Variants in PROKR1 observed in about 807,000 individuals in gnomAD.
PROKR1 encodes G protein-coupled receptor 73.
Under a neutral mutation model 22.8 loss-of-function variants are expected in PROKR1, and 21 were observed. The observed-to-expected ratio is 0.92, with a 90% CI of 0.65 to 1.32. The LOEUF is 1.32. Ranked by LOEUF, PROKR1 falls within the 40% of genes most tolerant of loss-of-function variation. The pLI is 0.00. For missense variants in PROKR1, 548 were observed against 514.2 expected, an observed-to-expected ratio of 1.07 and a Z score of -0.64; for synonymous variants, 193 against 207.5, an observed-to-expected ratio of 0.93 and a Z score of 0.60.
In PROKR1 at chr2:68,655,855, A is replaced by G; in HGVS notation, c.*279A>G. The G allele has an allele frequency of 2.1e-6, 1 of 474,654 alleles. No individual in the cohort carries two copies. The allele number at this position is 474,654 out of a possible 1,614,324, so 29.4% of individuals were successfully genotyped here. A position where few individuals can be genotyped will look rare whatever the true frequency, so the allele number is the denominator to read the frequency against. ...ATTTAGTTGGCAAAATGAAATTGGA[A>G]TTAAACCAAGGAAAATGTGGTGGTG... On this transcript the variant is annotated 3_prime_UTR_variant, in exon 3 of 3. Coordinates refer to ENST00000303786, the MANE Select transcript of PROKR1 (RefSeq NM_138964.4).
At position 68,655,087 on chromosome 2, in the gene PROKR1, C is replaced by G. The variant is rs1329598043; in HGVS notation, c.693C>G (p.Ser231=). Residue 231 remains serine, a synonymous_variant, in exon 3 of 3, where the codon TCC becomes TCG. Coordinates refer to ENST00000303786, the MANE Select transcript of PROKR1 (RefSeq NM_138964.4). ...WPVDQQLYYK[S]YFLFIFGIEF... ...TGGACCAGCAGCTCTACTACAAGTCCTACTTCCTCTTTATCTTTGGCATAG... is the reference window on the plus strand; with the variant it reads ...TGGACCAGCAGCTCTACTACAAGTCGTACTTCCTCTTTATCTTTGGCATAG... 1.2e-6 allele frequency: 2 copies of G among 1,614,036 alleles called. No individual in the cohort carries two copies. The highest frequency in any genetic ancestry group is 1.7e-6 in the Non-Finnish European group (2 of 1,180,044).
chr2:68,645,089 G>T (rs1673144843), intron 1 of PROKR1, among the ~76,000 whole-genome samples: 1 of 152,192 alleles, frequency 6.6e-6, no homozygotes, highest in African/African-American at 2.4e-5. Context: ...GAAAAATTTT[G>T]CTCTAGCGTC....
intron 2 of PROKR1, among the ~76,000 whole-genome samples, chr2:68,651,097 C>T (rs938434532): frequency 1.3e-5 from 2 of 152,130 alleles, no homozygotes; most frequent in African/African-American, 4.8e-5. Flanking sequence ...TGTGGTGGCT[C>T]ACGCCTGTAA....
At chr2:68,651,805 T>C (rs977796201) in intron 2 of PROKR1, among the ~76,000 whole-genome samples, 3 of 152,228 alleles carry the variant, frequency 2.0e-5, no homozygotes, top group African/African-American at 7.2e-5. Context: ...GCCTGGACCA[T>C]CTCTTTGTCT....
chr2:68,645,542 T>G (rs1673156961), intron 1 of PROKR1, 120 bp from the exon 2 acceptor site: 1 of 526,316 alleles, frequency 1.9e-6, no homozygotes, highest in Non-Finnish European at 3.4e-6. Context: ...TTATTTCCAC[T>G]CCATCACCCT....
Position 68,656,935 on chromosome 2 carries a change from G to A in PROKR1, c.*1359G>A, listed in dbSNP as rs1387164637. 1 of 152,220 alleles carries A rather than the reference G, an allele frequency of 6.6e-6. No individual in the cohort carries two copies. The highest frequency in any genetic ancestry group is 1.5e-5 in the Non-Finnish European group (1 of 68,052). 9.4% of individuals were successfully genotyped at this position (152,220 alleles called of 1,614,324 possible). ...AGGAAAGAAGGGGACACACAGATAG[G>A]TAGTGTCAGACCAAACAATGAGCTT... On this transcript the variant is annotated 3_prime_UTR_variant, in exon 3 of 3. Coordinates refer to ENST00000303786, the MANE Select transcript of PROKR1 (RefSeq NM_138964.4).
At position 68,649,234 on chromosome 2, in the gene PROKR1, G is replaced by A. The variant is rs778597263; in HGVS notation, c.485+2928G>A. Among the ~76,000 whole-genome samples the A allele has an allele frequency of 3.3e-5, 5 of 152,140 alleles. No individual in the cohort carries two copies. The South Asian group carries it at 8.3e-4, about 25-fold the overall frequency. On this transcript the variant is annotated intron_variant, in intron 2 of 2. Coordinates refer to ENST00000303786, the MANE Select transcript of PROKR1 (RefSeq NM_138964.4). ...TATATTATTGGTTCCATTGTTCTCC[G>A]AGGCATCTAACCTAGAAGAAAGTCT...
At chr2:68,649,997 A>G (rs1673279394) in intron 2 of PROKR1, among the ~76,000 whole-genome samples, 4 of 145,152 alleles carry the variant, frequency 2.8e-5, no homozygotes, top group East Asian at 4.1e-4. Flanking sequence ...ATTCTCACTC[A>G]TAGGTGGGAA....
intron 2 of PROKR1, among the ~76,000 whole-genome samples, chr2:68,653,354 C>G (rs1314392784): frequency 6.6e-6 from 1 of 151,668 alleles, no homozygotes; most frequent in Non-Finnish European, 1.5e-5. Flanking sequence ...TGTGAACTCT[C>G]TAAAGGATGC....
At chr2:68,646,767 G>C (rs560121588) in intron 2 of PROKR1, among the ~76,000 whole-genome samples, 3 of 152,284 alleles carry the variant, frequency 2.0e-5, no homozygotes, top group African/African-American at 7.2e-5. Flanking sequence ...TTTATGACTG[G>C]CTGTGGTAAA....
intron 2 of PROKR1, chr2:68,649,344 G>A (rs1293748679): frequency 1.3e-5 from 2 of 152,136 alleles, no homozygotes; most frequent in Admixed American, 1.3e-4. Flanking sequence ...ATTCAGGGCT[G>A]GTATCCTAGT....
chr2:68,647,903 AC>A (rs879842836), intron 2 of PROKR1, among the ~76,000 whole-genome samples: 7 of 152,200 alleles, frequency 4.6e-5, no homozygotes, highest in Non-Finnish European at 8.8e-5. Context: ...CCCCGCATGA[AC>A]CCACTGAAGG....
At position 68,646,126 on chromosome 2, in the gene PROKR1, C is replaced by T. The variant is rs1396904100; in HGVS notation, c.305C>T (p.Ala102Val). The T allele has an allele frequency of 6.2e-7, 1 of 1,610,998 alleles. No individual in the cohort carries two copies. Among genetic ancestry groups the T allele is most frequent in the Admixed American group, 1.7e-5 (1 of 59,926 alleles). The change falls in exon 2 of 3, where the codon GCC becomes GTC. Residue 102 changes from alanine to valine, a missense_variant. Physicochemically the swap from Ala to Val is moderately conservative, Grantham distance 64. Transcript: ENST00000303786. ...KLRNLTNLLI[A>V]NLAISDFLVA... is the part of the protein sequence containing the mutation. ...CGCAACCTCACCAACCTGCTCATCG[C>T]CAACCTGGCCATCTCTGACTTCCTG...
rs371606555 is a variant in PROKR1, at chr2:68,645,829, C to A, written c.8C>A (p.Thr3Asn). The A allele has an allele frequency of 3.1e-6, 5 of 1,614,052 alleles. No individual in the cohort carries two copies. In the African/African-American group the frequency reaches 4.0e-5, roughly 13 times the overall value. ME[T>N]TMGFMDDNAT... is the part of the protein sequence containing the mutation. ...ACAGCACCACCTGGCCAGATGGAGA[C>A]CACCATGGGGTTCATGGATGACAAT... The change falls in exon 2 of 3, where the codon ACC becomes AAC. Residue 3 changes from threonine to asparagine, a missense_variant. Coordinates refer to ENST00000303786, the MANE Select transcript of PROKR1 (RefSeq NM_138964.4).
At chr2:68,648,367 T>C (rs1256104519) in intron 2 of PROKR1, among the ~76,000 whole-genome samples, 1 of 152,230 alleles carries the variant, frequency 6.6e-6, no homozygotes, top group Non-Finnish European at 1.5e-5. Context: ...TTGTCTGAAA[T>C]ACTGCAAGCA....
intron 2 of PROKR1, among the ~76,000 whole-genome samples, chr2:68,652,564 A>T (rs1308821958): frequency 6.6e-6 from 1 of 152,198 alleles, no homozygotes; most frequent in East Asian, 1.9e-4. Context: ...TGTAGAGTTT[A>T]TCCTATAAAA....
intron 2 of PROKR1, among the ~76,000 whole-genome samples, chr2:68,648,287 A>G (rs895323015): frequency 6.6e-6 from 1 of 152,196 alleles, no homozygotes; most frequent in African/African-American, 2.4e-5. Context: ...AGTGATATCT[A>G]TGTCAATCAG....
intron 1 of PROKR1, among the ~76,000 whole-genome samples, chr2:68,644,246 G>T (rs1673125316): frequency 6.6e-6 from 1 of 152,162 alleles, no homozygotes; most frequent in Admixed American, 6.5e-5. Flanking sequence ...ACACTACTTT[G>T]ACCCTTCAGG....
At chr2:68,646,795 C>T (rs1422828124) in intron 2 of PROKR1, among the ~76,000 whole-genome samples, 1 of 152,168 alleles carries the variant, frequency 6.6e-6, no homozygotes. Context: ...AGCCTATAAT[C>T]CCAGCAATTT....
Sources: allele counts gnomAD v4.1 joint callset (sites outside exome capture counted in the v4.1 genomes callset), GRCh38; gene constraint gnomAD v4.1.1; transcripts MANE v1.5; gene names NCBI Gene and HGNC (gene_info 2026-07-23, HGNC 2026-07-21).